The following HADHA variants were observed in gnomAD, a reference collection of about 807,000 sequenced individuals.
HADHA encodes the protein hydroxyacyl-CoA dehydrogenase trifunctional multienzyme complex subunit alpha.
Under a neutral mutation model 91.3 loss-of-function variants are expected in HADHA, and 59 were observed. That is an observed-to-expected ratio of 0.65 (90% CI 0.52 to 0.80). HADHA has a LOEUF of 0.80. Ranked by LOEUF, HADHA falls within the 30% of genes least tolerant of loss-of-function variation. HADHA has a pLI of 0.00. For synonymous variants in HADHA, 320 were observed against 338.9 expected (o/e 0.94, Z 0.61); for missense variants, 800 against 927.6 (o/e 0.86, Z 1.79).
intron 3 of HADHA, among the ~76,000 whole-genome samples, chr2:26,237,698 T>C (rs1305422153): frequency 6.6e-6 from 1 of 152,214 alleles, no homozygotes; most frequent in Non-Finnish European, 1.5e-5. Flanking sequence ...AATGTGATTA[T>C]CCCATGGAAG....
chr2:26,191,329 GC>G lies in HADHA; in HGVS notation c.2212del (p.Ala738LeufsTer13). 1 of 1,614,048 alleles carries G rather than the reference GC, an allele frequency of 6.2e-7. No homozygotes were observed. Among genetic ancestry groups the G allele is most frequent in the African/African-American group, 1.3e-5 (1 of 75,026 alleles). ...KIVDRLKKYE[A>X]AYGKQFTPCQ... ...TGGGGTGAACTGTTTTCCATAGGCA[GC>G]TTCATATTTCTTGAGCCGGTCCACT... On this transcript the variant is annotated frameshift_variant, in exon 20 of 20. Transcript: ENST00000380649. LOFTEE classifies it high-confidence loss of function.
chr2:26,222,994 C>T (rs1670407844), intron 7 of HADHA, among the ~76,000 whole-genome samples: 1 of 152,166 alleles, frequency 6.6e-6, no homozygotes, highest in South Asian at 2.1e-4. Flanking sequence ...TCAAGGAGAG[C>T]AAACAGAAAT....
At chr2:26,241,818 G>A (rs538689808) in intron 1 of HADHA, among the ~76,000 whole-genome samples, 133 of 152,214 alleles carry the variant, frequency 8.7e-4, no homozygotes, top group African/African-American at 3.0e-3. Context: ...AACATACTCT[G>A]GTCAAGAAGT....
At chr2:26,195,405 T>C (rs1189096843) in intron 14 of HADHA, among the ~76,000 whole-genome samples, 173 bp from the exon 15 acceptor site, 1 of 152,030 alleles carries the variant, frequency 6.6e-6, no homozygotes, top group African/African-American at 2.4e-5. Flanking sequence ...TTAGTATGTT[T>C]AGGGAGAGCA....
chr2:26,238,075 A>G (rs762415132), intron 3 of HADHA, among the ~76,000 whole-genome samples: 3 of 152,192 alleles, frequency 2.0e-5, no homozygotes, highest in Non-Finnish European at 4.4e-5. Flanking sequence ...TGGTGCAATC[A>G]TAGCTCACTG....
chr2:26,206,480 C>T (rs1426580254), intron 11 of HADHA, among the ~76,000 whole-genome samples: 4 of 152,096 alleles, frequency 2.6e-5, no homozygotes, highest in Admixed American at 1.3e-4. Flanking sequence ...CCACGCACCT[C>T]GGAATCCCAA....
chr2:26,228,423 G>A (rs552581758), intron 7 of HADHA, among the ~76,000 whole-genome samples: 1 of 152,180 alleles, frequency 6.6e-6, no homozygotes, highest in African/African-American at 2.4e-5. Flanking sequence ...GAGCCACCAC[G>A]CCCAGTCACG....
chr2:26,194,452 A>C, intron 16 of HADHA, 118 bp downstream of exon 16: 2 of 756,314 alleles, frequency 2.6e-6, no homozygotes, highest in Non-Finnish European at 4.8e-6. Context: ...GGACCTTCCT[A>C]GACAAGAGCA....
intron 9 of HADHA, among the ~76,000 whole-genome samples, chr2:26,213,582 C>T (rs1287564455): frequency 6.6e-6 from 1 of 152,166 alleles, no homozygotes; most frequent in Non-Finnish European, 1.5e-5. Context: ...AATACTTTCC[C>T]TCCTTCACCT....
intron 7 of HADHA, among the ~76,000 whole-genome samples, chr2:26,216,352 A>C: frequency 2.4e-5 from 3 of 122,578 alleles, no homozygotes; most frequent in Non-Finnish European, 4.8e-5. Context: ...ATGGAGTCTC[A>C]CTCTGTAACC....
chr2:26,240,374 T>C (rs1670861909), intron 1 of HADHA, among the ~76,000 whole-genome samples: 1 of 152,178 alleles, frequency 6.6e-6, no homozygotes, highest in Non-Finnish European at 1.5e-5. Flanking sequence ...GCAGGGGATA[T>C]GATATCTGGG....
intron 7 of HADHA, among the ~76,000 whole-genome samples, chr2:26,225,840 G>T (rs1670472835): frequency 6.6e-6 from 1 of 152,044 alleles, no homozygotes; most frequent in African/African-American, 2.4e-5. Context: ...AAAGGTCTTA[G>T]ACATTGTGGT....
intron 7 of HADHA, among the ~76,000 whole-genome samples, chr2:26,219,745 A>C (rs1670329331): frequency 1.3e-5 from 2 of 152,240 alleles, no homozygotes; most frequent in Non-Finnish European, 2.9e-5. Flanking sequence ...CCAAAGCAGT[A>C]ATCAGAATAG....
chr2:26,220,544 T>A (rs899769628), intron 7 of HADHA, among the ~76,000 whole-genome samples: 2 of 152,238 alleles, frequency 1.3e-5, no homozygotes, highest in Non-Finnish European at 2.9e-5. Context: ...TCCTATAGAA[T>A]GACAGTGGAT....
chr2:26,193,557 GT>G lies in HADHA; in HGVS notation c.1885+19del. 1 of 1,592,716 alleles carries G rather than the reference GT, an allele frequency of 6.3e-7. No homozygotes were observed. The highest frequency in any genetic ancestry group is 8.6e-7 in the Non-Finnish European group (1 of 1,160,548). Reference sequence around the variant, plus strand: ...CTTTGTAACTAATGGTGCTAGTTATGTTTCCTTGAGGCTACTCACCTAGGAA... The same window carrying G: ...CTTTGTAACTAATGGTGCTAGTTATGTTCCTTGAGGCTACTCACCTAGGAA... On this transcript the variant is annotated intron_variant, in intron 17 of 19. Coordinates refer to ENST00000380649, the MANE Select transcript of HADHA (RefSeq NM_000182.5).
intron 14 of HADHA, among the ~76,000 whole-genome samples, chr2:26,196,905 G>A (rs1258071797): frequency 2.0e-5 from 3 of 152,078 alleles, no homozygotes; most frequent in Admixed American, 6.5e-5. Flanking sequence ...TGCCATCATT[G>A]AGCCTGCCTC....
Position 26,197,638 on chromosome 2 carries a change from A to G in HADHA, c.1479+53T>C, listed in dbSNP as rs1558316594. 3 of 851,158 alleles carry G rather than the reference A, an allele frequency of 3.5e-6. No homozygotes were observed. The Admixed American group carries it at 5.1e-5, about 14-fold the overall frequency. The allele number at this position is 851,158 out of a possible 1,614,324, so 52.7% of individuals were successfully genotyped here. A position where few individuals can be genotyped will look rare whatever the true frequency, so the allele number is the denominator to read the frequency against. On this transcript the variant is annotated intron_variant, in intron 14 of 19. Coordinates refer to ENST00000380649, the MANE Select transcript of HADHA (RefSeq NM_000182.5). ...TGTACTCAAGCTGTAAGCCTTTATC[A>G]GTGAATCTGAAGCAATAAAACATCT...
At chr2:26,241,671 C>T (rs1670894755) in intron 1 of HADHA, among the ~76,000 whole-genome samples, 2 of 151,412 alleles carry the variant, frequency 1.3e-5, no homozygotes, top group South Asian at 4.2e-4. Flanking sequence ...ACCGAAAAAA[C>T]AAACAAACAA....
At chr2:26,196,176 TTAG>T (rs1481659367) in intron 14 of HADHA, among the ~76,000 whole-genome samples, 1 of 152,142 alleles carries the variant, frequency 6.6e-6, no homozygotes, top group Non-Finnish European at 1.5e-5. Context: ...TATCAAGAGG[TTAG>T]TAGTACAGAG....
Sources: gnomAD v4.1 joint callset for allele counts (sites outside exome capture counted in the v4.1 genomes callset) on GRCh38, gnomAD v4.1.1 for gene constraint, MANE v1.5 for transcripts, NCBI Gene and HGNC (gene_info 2026-07-23, HGNC 2026-07-21) for gene names.